NLRC5: variants seen among roughly 807,000 people sequenced by gnomAD.
NLRC5 encodes the protein protein NLRC5.
Under a neutral mutation model 206.9 loss-of-function variants are expected in NLRC5, and 114 were observed. That is an observed-to-expected ratio of 0.55 (90% CI 0.47 to 0.64). NLRC5 has a LOEUF of 0.64. NLRC5 is among the 30% of genes least tolerant of loss of function. The pLI is 0.00. For synonymous variants in NLRC5, 952 were observed against 962.8 expected (o/e 0.99, Z 0.21); for missense variants, 2,008 against 2,305.5 (o/e 0.87, Z 2.64).
intron 32 of NLRC5, among the ~76,000 whole-genome samples, chr16:57,063,252 A>G (rs2066735284): frequency 6.6e-6 from 1 of 151,358 alleles, no homozygotes; most frequent in African/African-American, 2.4e-5. Flanking sequence ...AGCTGGGATT[A>G]CAGGCGCCCG....
At chr16:56,999,012 G>A (rs1434409797) in intron 1 of NLRC5, among the ~76,000 whole-genome samples, 1 of 152,252 alleles carries the variant, frequency 6.6e-6, no homozygotes, top group Admixed American at 6.5e-5. Flanking sequence ...ACTAAAGTCT[G>A]AGATCAGAGT....
At chr16:57,021,532 G>A (rs1039165818) in intron 3 of NLRC5, among the ~76,000 whole-genome samples, 3 of 152,078 alleles carry the variant, frequency 2.0e-5, no homozygotes, top group Non-Finnish European at 2.9e-5. Flanking sequence ...CACCACATTA[G>A]GCTAATTTTT....
At chr16:57,047,940 C>A (rs1419616242) in intron 23 of NLRC5, 12 of 405,118 alleles carry the variant, frequency 3.0e-5, no homozygotes, top group Non-Finnish European at 4.6e-5. Context: ...CTCACCAGGG[C>A]ACCCACTTGA....
chr16:57,062,433 C>A, intron 32 of NLRC5: 1 of 282,710 alleles, frequency 3.5e-6, no homozygotes, highest in Non-Finnish European at 6.9e-6. Context: ...TCTGACTCTT[C>A]TAACCTGCGG....
chr16:57,049,280 T>C (rs1031240059), intron 23 of NLRC5, among the ~76,000 whole-genome samples: 2 of 152,204 alleles, frequency 1.3e-5, no homozygotes, highest in Non-Finnish European at 1.5e-5. Context: ...TGTTTTGTTT[T>C]GTGTAGCACT....
At chr16:57,022,668 C>A (rs1027074104) in intron 4 of NLRC5, among the ~76,000 whole-genome samples, 5 of 152,338 alleles carry the variant, frequency 3.3e-5, no homozygotes, top group South Asian at 4.1e-4. Flanking sequence ...CTAACCACCC[C>A]CTCCCGACTT....
intron 1 of NLRC5, among the ~76,000 whole-genome samples, chr16:56,991,506 C>T (rs149745393): frequency 0.01 from 1,551 of 150,670 alleles, 59 homozygotes; most frequent in East Asian, 0.085. Flanking sequence ...CTCAGCCTCC[C>T]GAGTAGCTGG....
In NLRC5 at chr16:57,041,564, C is replaced by CTCCA; in HGVS notation, c.3020_3023dup (p.Leu1009ProfsTer12). 1 of 1,614,054 alleles carries CTCCA rather than the reference C, an allele frequency of 6.2e-7. No homozygotes were observed. The highest frequency in any genetic ancestry group is 8.5e-7 in the Non-Finnish European group (1 of 1,179,930). ...GGGAGGAAGCTGCCACCTCGGTCAC[C>CTCCA]TCCACCTCGAGTGAGTGGTTTGTGT... On this transcript the variant is annotated frameshift_variant, in exon 18 of 49. Coordinates refer to ENST00000688547, the MANE Select transcript of NLRC5 (RefSeq NM_001384950.1). LOFTEE classifies it high-confidence loss of function.
rs1299698504 is a variant in NLRC5, at chr16:57,033,681, G to T, written c.2543+12G>T. The stretch of plus-strand genomic sequence containing the variant: ...AGCTTGACGCTCAGGTACCTTGGAG[G>T]GATCTATTGCCTTAGGAGAGGGATA... On this transcript the variant is annotated intron_variant, in intron 12 of 48. Transcript: ENST00000688547. 6.2e-7 allele frequency: 1 copy of T among 1,612,792 alleles called. No homozygotes were observed. Among genetic ancestry groups the T allele is most frequent in the Admixed American group, 1.7e-5 (1 of 60,008 alleles).
intron 18 of NLRC5, 39 bp downstream of exon 18, chr16:57,041,613 C>A: frequency 6.6e-7 from 1 of 1,512,498 alleles, no homozygotes; most frequent in South Asian, 1.1e-5. Flanking sequence ...TGGGTGGGGC[C>A]AATTACAGTG....
At chr16:57,067,642 C>T in intron 35 of NLRC5, 94 bp from the exon 36 acceptor site, 1 of 1,395,566 alleles carries the variant, frequency 7.2e-7, no homozygotes, top group Non-Finnish European at 1.0e-6. Context: ...TCTTGGGTGG[C>T]CCCTTCTCCT....
chr16:57,078,908 G>T, intron 43 of NLRC5, 142 bp from the exon 44 acceptor site: 1 of 736,542 alleles, frequency 1.4e-6, no homozygotes, highest in East Asian at 2.6e-5. Context: ...CAGGGTCCTT[G>T]ATACCTACCC....
intron 1 of NLRC5, chr16:57,013,493 C>G: frequency 1.3e-6 from 1 of 757,956 alleles, no homozygotes; most frequent in South Asian, 1.4e-5. Flanking sequence ...GAGGTGAGCA[C>G]AGATTCCATT....
chr16:57,077,911 A>C (rs747635517), intron 42 of NLRC5, 32 bp from the exon 43 acceptor site: 2 of 1,611,876 alleles, frequency 1.2e-6, no homozygotes, highest in Admixed American at 3.3e-5. Context: ...GGGCAGGCCC[A>C]GTACTCAATG....
intron 1 of NLRC5, among the ~76,000 whole-genome samples, chr16:57,001,094 G>A (rs2058187884): frequency 6.6e-6 from 1 of 152,184 alleles, no homozygotes; most frequent in African/African-American, 2.4e-5. Flanking sequence ...CCGGGGGGAA[G>A]GCAGAGGCGC....
chr16:57,039,901 TCTA>T (rs1188404124), intron 16 of NLRC5, 52 bp downstream of exon 16: 13 of 1,473,886 alleles, frequency 8.8e-6, no homozygotes, highest in African/African-American at 8.3e-5. Context: ...CATTCCCCTC[TCTA>T]CCCTCCACAG....
intron 1 of NLRC5, among the ~76,000 whole-genome samples, chr16:57,003,321 A>G (rs1338529837): frequency 6.6e-6 from 1 of 152,090 alleles, no homozygotes; most frequent in Admixed American, 6.6e-5. Context: ...AAGTGCTGGG[A>G]TTACAGGCTT....
At position 57,027,012 on chromosome 16, in the gene NLRC5, A is replaced by G; in HGVS notation, c.2069A>G (p.Asn690Ser). The change falls in exon 6 of 49, where the codon AAT (asparagine) becomes AGT (serine). Residue 690 changes from asparagine (N) to serine (S), a missense_variant. Physicochemically the swap from Asn to Ser is conservative, Grantham distance 46. Coordinates refer to ENST00000688547, the MANE Select transcript of NLRC5 (RefSeq NM_001384950.1). ...CTGGTAGGCTGTGGGCAGATAGAGAATCTCAGGTGAGTAAGAGTGGAGGAG... is the reference window on the plus strand; with the variant it reads ...CTGGTAGGCTGTGGGCAGATAGAGAGTCTCAGGTGAGTAAGAGTGGAGGAG... ...EALVGCGQIE[N>S]LSFKSRKCGD... 1 of 1,612,804 alleles carries G rather than the reference A, an allele frequency of 6.2e-7. No homozygotes were observed. Among genetic ancestry groups the G allele is most frequent in the Non-Finnish European group, 8.5e-7 (1 of 1,179,122 alleles).
At chr16:57,033,551 C>T (rs896368620) in intron 11 of NLRC5, 53 bp from the exon 12 acceptor site, 74 of 1,564,966 alleles carry the variant, frequency 4.7e-5, no homozygotes, top group Non-Finnish European at 1.3e-5. Flanking sequence ...AGGCTTGATC[C>T]ACCAGGCCCT....
Sources: gnomAD v4.1 joint callset for allele counts (sites outside exome capture counted in the v4.1 genomes callset) on GRCh38, gnomAD v4.1.1 for gene constraint, MANE v1.5 for transcripts, NCBI Gene and HGNC (gene_info 2026-07-23, HGNC 2026-07-21) for gene names.